The following CAMTA1 variants were observed in gnomAD, a reference collection of about 807,000 sequenced individuals.
CAMTA1 encodes the protein calmodulin binding transcription activator 1.
In CAMTA1, 27 loss-of-function variants were observed where a neutral mutation model predicts 170.9. The observed-to-expected ratio is 0.16, with a 90% CI of 0.12 to 0.22. The LOEUF (loss-of-function observed/expected upper bound fraction) is 0.22, where lower values mean the gene tolerates loss of function less well. Among genes scored for constraint, CAMTA1 ranks in the 10% least tolerant of loss-of-function variants. The probability of loss-of-function intolerance (pLI) is 1.00; values close to 1 mark genes in which losing one functional copy is unlikely to be tolerated. For missense variants in CAMTA1, 1,619 were observed against 2,217.2 expected, an observed-to-expected ratio of 0.73 and a Z score of 5.42; for synonymous variants, 833 against 891.5, an observed-to-expected ratio of 0.93 and a Z score of 1.17.
chr1:7,178,655 T>A (rs964608735), intron 4 of CAMTA1, among the ~76,000 whole-genome samples: 1 of 152,152 alleles, frequency 6.6e-6, no homozygotes, highest in African/African-American at 2.4e-5. Context: ...CAGAAGGAAC[T>A]CTCACCCTGA....
At chr1:7,746,765 T>C (rs181681443) in intron 18 of CAMTA1, among the ~76,000 whole-genome samples, 99 of 152,316 alleles carry the variant, frequency 6.5e-4, no homozygotes, top group Non-Finnish European at 1.5e-5. Flanking sequence ...GCCTCCCAAG[T>C]AGCTGGAATT....
intron 16 of CAMTA1, among the ~76,000 whole-genome samples, chr1:7,741,180 G>T (rs755308008): frequency 2.0e-4 from 31 of 152,176 alleles, no homozygotes; most frequent in Non-Finnish European, 4.0e-4. Flanking sequence ...GAGTAAAAGT[G>T]TATGAAAGCT....
intron 4 of CAMTA1, among the ~76,000 whole-genome samples, chr1:7,214,061 A>T (rs997422173): frequency 9.9e-5 from 15 of 152,214 alleles, no homozygotes; most frequent in Non-Finnish European, 2.1e-4. Flanking sequence ...TAGTGCCACA[A>T]TAAACACACA....
At chr1:7,601,985 C>A (rs1214054613) in intron 6 of CAMTA1, among the ~76,000 whole-genome samples, 1 of 106,252 alleles carries the variant, frequency 9.4e-6, no homozygotes, top group Non-Finnish European at 2.0e-5. Context: ...GAGAGGGAGA[C>A]CGTGGGGAGA....
chr1:7,553,267 A>ATAAT (rs1443580550), intron 6 of CAMTA1, among the ~76,000 whole-genome samples: 1 of 150,800 alleles, frequency 6.6e-6, no homozygotes, highest in East Asian at 1.9e-4. Flanking sequence ...GAATGAGTGA[A>ATAAT]TAATTGAGTG....
At chr1:6,858,819 G>A (rs1663500533) in intron 3 of CAMTA1, among the ~76,000 whole-genome samples, 1 of 152,146 alleles carries the variant, frequency 6.6e-6, no homozygotes, top group African/African-American at 2.4e-5. Context: ...TCTAACTTCT[G>A]ACTGTGCAGT....
At chr1:7,701,350 C>A (rs1197555772) in intron 11 of CAMTA1, among the ~76,000 whole-genome samples, 1 of 152,164 alleles carries the variant, frequency 6.6e-6, no homozygotes, top group Admixed American at 6.5e-5. Context: ...ACAGGATCCA[C>A]CCCCTGGGTT....
intron 6 of CAMTA1, among the ~76,000 whole-genome samples, chr1:7,507,132 ACACACTCACACTCACTCC>A (rs530889809): frequency 0.011 from 1,647 of 151,344 alleles, 28 homozygotes; most frequent in African/African-American, 0.037. Flanking sequence ...TCTCACATTC[ACACACTCACACTCACTCC>A]CACACTCACA....
chr1:7,715,926 G>A (rs1261241870), intron 11 of CAMTA1, among the ~76,000 whole-genome samples: 2 of 152,054 alleles, frequency 1.3e-5, no homozygotes, highest in East Asian at 3.9e-4. Flanking sequence ...ACTTCCCTTG[G>A]GGAAATAGTT....
At chr1:7,148,115 A>G (rs1646340240) in intron 4 of CAMTA1, among the ~76,000 whole-genome samples, 1 of 151,412 alleles carries the variant, frequency 6.6e-6, no homozygotes, top group Admixed American at 6.6e-5. Flanking sequence ...ACACACACGC[A>G]CACACACTAA....
rs1286391823 is a variant in CAMTA1 at position 7,431,321 on chromosome 1, G to A, written c.439-36509G>A. On this transcript the variant is annotated intron_variant, in intron 5 of 22. Transcript: ENST00000303635. ...AAGCTTGGTTTGAAAGGGCAAAAGT[G>A]GAAACCCTTGTCCACAGCCTCTGAG... Among the ~76,000 whole-genome samples the A allele has an allele frequency of 2.0e-5, 3 of 152,360 alleles. No homozygotes were observed. In the East Asian group the frequency reaches 5.8e-4, roughly 29 times the overall value.
At chr1:6,925,908 C>T (rs1206679471) in intron 3 of CAMTA1, among the ~76,000 whole-genome samples, 1 of 152,196 alleles carries the variant, frequency 6.6e-6, no homozygotes. Context: ...ATGGGGCCTC[C>T]TCCCCCTCCC....
At chr1:6,916,747 T>C (rs1680893501) in intron 3 of CAMTA1, among the ~76,000 whole-genome samples, 1 of 152,152 alleles carries the variant, frequency 6.6e-6, no homozygotes, top group Non-Finnish European at 1.5e-5. Context: ...GATGGGGAAG[T>C]AGCCTCACAG....
At position 7,537,731 on chromosome 1, in the gene CAMTA1, C is replaced by G. The variant is rs866475795; in HGVS notation, c.510+69830C>G. ...AGCCCCAGACAAATAGACACACTCT[C>G]TAGCCCCTGGAAGGAAATGAGATTT... On this transcript the variant is annotated intron_variant, in intron 6 of 22. Coordinates refer to ENST00000303635, the MANE Select transcript of CAMTA1 (RefSeq NM_015215.4). Among the ~76,000 whole-genome samples the G allele has an allele frequency of 2.3e-4, 35 of 152,358 alleles. 1 individual carries two copies. The Middle Eastern group carries it at 0.02, about 89-fold the overall frequency.
chr1:7,762,561 T>A (rs1232722336), intron 22 of CAMTA1, among the ~76,000 whole-genome samples: 3 of 152,240 alleles, frequency 2.0e-5, no homozygotes, highest in Non-Finnish European at 4.4e-5. Context: ...AGCCCCACTG[T>A]CTCATCCTAA....
intron 3 of CAMTA1, among the ~76,000 whole-genome samples, chr1:6,996,009 C>T (rs1414154056): frequency 3.3e-5 from 5 of 152,146 alleles, no homozygotes; most frequent in African/African-American, 7.2e-5. Flanking sequence ...GCGGGTGTGG[C>T]GTGGGCTTCA....
chr1:6,807,030 G>A, intron 1 of CAMTA1: 1 of 672,952 alleles, frequency 1.5e-6, no homozygotes, highest in East Asian at 2.7e-5. Flanking sequence ...AGCTAAGGGG[G>A]AGACGGACAT....
At chr1:7,040,668 C>A (rs2101337402) in intron 3 of CAMTA1, among the ~76,000 whole-genome samples, 1 of 151,384 alleles carries the variant, frequency 6.6e-6, no homozygotes, top group Middle Eastern at 3.4e-3. Context: ...CAGCCAGGTA[C>A]AATACAGAAT....
At chr1:7,034,907 T>TA (rs944712063) in intron 3 of CAMTA1, among the ~76,000 whole-genome samples, 4 of 152,210 alleles carry the variant, frequency 2.6e-5, no homozygotes, top group South Asian at 2.1e-4. Context: ...ACCATAGTTT[T>TA]AAAAAAAATC....
Sources: allele counts gnomAD v4.1 joint callset (sites outside exome capture counted in the v4.1 genomes callset), GRCh38; gene constraint gnomAD v4.1.1; transcripts MANE v1.5; gene names NCBI Gene and HGNC (gene_info 2026-07-23, HGNC 2026-07-21).